Variants in KLHL1 observed in about 807,000 individuals in gnomAD.
KLHL1 encodes the protein kelch-like protein 1.
KLHL1 carries 47 observed loss-of-function variants against 77.7 expected under a neutral mutation model. That is an observed-to-expected ratio of 0.60 (90% CI 0.48 to 0.77). The LOEUF (loss-of-function observed/expected upper bound fraction) is 0.77. KLHL1 is among the 30% of genes least tolerant of loss of function. The pLI, the probability that KLHL1 is intolerant of heterozygous loss-of-function variation, is 0.00. For missense variants in KLHL1, 925 were observed against 910.8 expected (o/e 1.02, Z -0.20); for synonymous variants, 360 against 325.2 (o/e 1.11, Z -1.15).
intron 1 of KLHL1, among the ~76,000 whole-genome samples, chr13:69,993,808 C>G (rs972746443): frequency 6.6e-6 from 1 of 152,074 alleles, no homozygotes; most frequent in Non-Finnish European, 1.5e-5. Context: ...AATGTAAATA[C>G]ATTTTCCAAT....
At chr13:70,062,427 G>T (rs1184907902) in intron 1 of KLHL1, among the ~76,000 whole-genome samples, 2 of 152,128 alleles carry the variant, frequency 1.3e-5, no homozygotes, top group Non-Finnish European at 2.9e-5. Flanking sequence ...ATTTGAGCTA[G>T]AAATGCAGAT....
At chr13:69,878,204 T>A (rs1880838567) in intron 5 of KLHL1, among the ~76,000 whole-genome samples, 1 of 152,204 alleles carries the variant, frequency 6.6e-6, no homozygotes, top group African/African-American at 2.4e-5. Context: ...TAAAAGTACT[T>A]ACAGATTACA....
At chr13:69,917,479 A>T (rs1172022027) in intron 4 of KLHL1, among the ~76,000 whole-genome samples, 1 of 152,144 alleles carries the variant, frequency 6.6e-6, no homozygotes, top group Non-Finnish European at 1.5e-5. Context: ...ACATTAAGTA[A>T]TCAGATCTTG....
chr13:70,026,907 C>T (rs6562602), intron 1 of KLHL1, among the ~76,000 whole-genome samples: 88,663 of 151,574 alleles, frequency 0.58, 28,119 homozygotes, highest in East Asian at 0.81. Flanking sequence ...TGCAGTTGGG[C>T]TATTTTTCTA....
At chr13:69,905,505 T>C (rs1382725774) in intron 4 of KLHL1, among the ~76,000 whole-genome samples, 1 of 151,984 alleles carries the variant, frequency 6.6e-6, no homozygotes, top group East Asian at 1.9e-4. Context: ...ATCAACTCCA[T>C]GATATAAATG....
chr13:69,858,709 A>G (rs1880018453), intron 5 of KLHL1, among the ~76,000 whole-genome samples: 1 of 152,100 alleles, frequency 6.6e-6, no homozygotes, highest in African/African-American at 2.4e-5. Flanking sequence ...ATGACTATTG[A>G]TAAAGATATT....
intron 1 of KLHL1, among the ~76,000 whole-genome samples, chr13:70,054,893 A>C (rs1371087774): frequency 1.3e-5 from 2 of 152,020 alleles, no homozygotes; most frequent in Admixed American, 6.6e-5. Flanking sequence ...CAAAAGAAAA[A>C]AATAATGAAA....
At chr13:69,725,292 C>T (rs1436340613) in intron 8 of KLHL1, among the ~76,000 whole-genome samples, 1 of 152,148 alleles carries the variant, frequency 6.6e-6, no homozygotes, top group Non-Finnish European at 1.5e-5. Context: ...GGACAATTGT[C>T]TGTTAACCCT....
chr13:69,895,713 C>CT (rs11459436), intron 4 of KLHL1, among the ~76,000 whole-genome samples: 102,196 of 140,640 alleles, frequency 0.73, 37,396 homozygotes, highest in East Asian at 0.88. Flanking sequence ...TTCTTTTTTC[C>CT]TTTTTTTTTT....
At chr13:69,928,110 ACATTAGAAT>A (rs953287534) in intron 4 of KLHL1, among the ~76,000 whole-genome samples, 3 of 152,226 alleles carry the variant, frequency 2.0e-5, no homozygotes, top group Admixed American at 2.0e-4. Flanking sequence ...AGAATTTCAG[ACATTAGAAT>A]CATTAGGCTT....
At chr13:69,781,161 C>T (rs1331047806) in intron 7 of KLHL1, among the ~76,000 whole-genome samples, 3 of 151,998 alleles carry the variant, frequency 2.0e-5, no homozygotes, top group Non-Finnish European at 2.9e-5. Flanking sequence ...CTGACTATGT[C>T]TCCCATAATG....
chr13:69,870,823 T>A (rs2138174293), intron 5 of KLHL1, among the ~76,000 whole-genome samples: 1 of 152,066 alleles, frequency 6.6e-6, no homozygotes, highest in South Asian at 2.1e-4. Flanking sequence ...GTCCGGCACC[T>A]GGGGCACACT....
chr13:70,036,213 C>T (rs905678136), intron 1 of KLHL1, among the ~76,000 whole-genome samples: 2 of 151,884 alleles, frequency 1.3e-5, no homozygotes, highest in African/African-American at 4.8e-5. Context: ...TTTTTAGAAA[C>T]ATTGCTGCTA....
rs143142986 is a variant in KLHL1, at chr13:69,734,025, G to C, written c.1802+6369C>G. Among the ~76,000 whole-genome samples the C allele has an allele frequency of 3.5e-3, 527 of 152,192 alleles. 2 individuals are homozygous for C. The highest frequency in any genetic ancestry group is 6.9e-3 in the Non-Finnish European group (466 of 68,010). Reference sequence around the variant, plus strand: ...ATAATAATTGACAGAGTTTGGATGTGTGTCTCCACCCAAATCTCATATTGG... The same window carrying C: ...ATAATAATTGACAGAGTTTGGATGTCTGTCTCCACCCAAATCTCATATTGG... On this transcript the variant is annotated intron_variant, in intron 8 of 10. Coordinates refer to ENST00000377844, the MANE Select transcript of KLHL1 (RefSeq NM_020866.3).
At chr13:69,988,977 G>A (rs1310660091) in intron 1 of KLHL1, among the ~76,000 whole-genome samples, 1 of 152,006 alleles carries the variant, frequency 6.6e-6, no homozygotes, top group East Asian at 1.9e-4. Flanking sequence ...GATCTCATTT[G>A]TCAATTTTTG....
chr13:69,783,349 A>G (rs1876332388), intron 7 of KLHL1, among the ~76,000 whole-genome samples: 1 of 152,122 alleles, frequency 6.6e-6, no homozygotes, highest in African/African-American at 2.4e-5. Context: ...AGTTGAGAGA[A>G]GAAGTCTCCA....
intron 4 of KLHL1, among the ~76,000 whole-genome samples, chr13:69,934,127 G>A (rs960207904): frequency 3.3e-5 from 5 of 152,072 alleles, no homozygotes; most frequent in African/African-American, 9.7e-5. Context: ...TTTGAAAGGA[G>A]TAAATTTAAT....
chr13:69,965,982 AC>A (rs1311155057), intron 2 of KLHL1, among the ~76,000 whole-genome samples: 2 of 152,264 alleles, frequency 1.3e-5, no homozygotes, highest in East Asian at 1.9e-4. Context: ...CTTCTCCATA[AC>A]ATAAAAGTGC....
At chr13:70,031,455 T>G (rs1258712942) in intron 1 of KLHL1, among the ~76,000 whole-genome samples, 1 of 152,188 alleles carries the variant, frequency 6.6e-6, no homozygotes, top group African/African-American at 2.4e-5. Context: ...TTACTCAAAA[T>G]TTACATTAAA....
Sources: gnomAD v4.1 joint callset for allele counts (sites outside exome capture counted in the v4.1 genomes callset) on GRCh38, gnomAD v4.1.1 for gene constraint, MANE v1.5 for transcripts, NCBI Gene and HGNC (gene_info 2026-07-23, HGNC 2026-07-21) for gene names.